The following ANO7 variants were observed in gnomAD, a reference collection of about 807,000 sequenced individuals.
ANO7 encodes the protein anoctamin 7.
Under a neutral mutation model 115.8 loss-of-function variants are expected in ANO7, and 114 were observed. The observed-to-expected ratio is 0.98, with a 90% CI of 0.85 to 1.15. The LOEUF (loss-of-function observed/expected upper bound fraction) is 1.15. ANO7 is among the 50% of genes most tolerant of loss of function. The pLI, the probability that ANO7 is intolerant of heterozygous loss-of-function variation, is 0.00. For missense variants in ANO7, 1,302 were observed against 1,201.2 expected, an observed-to-expected ratio of 1.08 and a Z score of -1.24; for synonymous variants, 550 against 498.2, an observed-to-expected ratio of 1.10 and a Z score of -1.38.
At chr2:241,207,531 C>G in intron 10 of ANO7, 43 bp from the exon 11 acceptor site, 1 of 1,561,444 alleles carries the variant, frequency 6.4e-7, no homozygotes, top group Non-Finnish European at 8.8e-7. Context: ...CAAGCAGCCC[C>G]CCTCCCCCAT....
Position 241,202,291 on chromosome 2 carries a change from T to C in ANO7, c.710T>C (p.Phe237Ser), listed in dbSNP as rs1244396246. The C allele has an allele frequency of 6.2e-7, 1 of 1,612,184 alleles. No homozygotes were observed. Among genetic ancestry groups the C allele is most frequent in the South Asian group, 1.1e-5 (1 of 91,064 alleles). Residue 237 changes from phenylalanine to serine, a missense_variant, in exon 8 of 25, where the codon TTC (phenylalanine) becomes TCC (serine). By Grantham distance (155) the Phe-to-Ser change is radical (BLOSUM62 -2). Coordinates refer to ENST00000674324, the MANE Select transcript of ANO7 (RefSeq NM_001370694.2). The stretch of plus-strand genomic sequence containing the variant: ...GCAGAGGGTGTCCTCAGTGCCGCCT[T>C]CCCCCTGCATGACGTGAGCTCGGGG... The part of the protein sequence containing the change: ...LLAEGVLSAA[F>S]PLHDGPFKTP...
Position 241,200,243 on chromosome 2 carries a change from C to CCAGT in ANO7, c.554+20_554+23dup. On this transcript the variant is annotated intron_variant, in intron 6 of 24. Coordinates refer to ENST00000674324, the MANE Select transcript of ANO7 (RefSeq NM_001370694.2). The stretch of plus-strand genomic sequence containing the variant: ...CTGCCACGGTAAGGCAGGGGCCCTG[C>CCAGT]CAGTCGGAGGAAAGAACAGGAGTGA... The CCAGT allele has an allele frequency of 6.2e-7, 1 of 1,608,882 alleles. No individual in the cohort carries two copies. The highest frequency in any genetic ancestry group is 8.5e-7 in the Non-Finnish European group (1 of 1,177,878).
At chr2:241,240,042 A>G in the ANO7 span, 1 of 1,614,060 alleles carries the variant, frequency 6.2e-7, no homozygotes, top group Non-Finnish European at 8.5e-7. The surrounding 1 kb of genome is among the most constrained non-coding windows in gnomAD (Gnocchi z 5.5). Context: ...GCACCTTGCG[A>G]ATTTTGCCGC....
the ANO7 span, among the ~76,000 whole-genome samples, chr2:241,231,656 G>A: frequency 3.0e-3 from 452 of 152,200 alleles, 12 homozygotes; most frequent in Admixed American, 0.021. Context: ...AGGCTGGCTG[G>A]CATTCCTCAG....
intron 22 of ANO7, 61 bp from the exon 23 acceptor site, chr2:241,223,601 T>G: frequency 6.3e-7 from 1 of 1,588,210 alleles, no homozygotes; most frequent in South Asian, 1.1e-5. Context: ...CCGGCCTGCC[T>G]GGCCCTGTGA....
intron 5 of ANO7, 87 bp downstream of exon 5, chr2:241,199,510 AG>A: frequency 7.3e-7 from 1 of 1,369,410 alleles, no homozygotes. Flanking sequence ...CAGCCTCAGG[AG>A]GGCTCCCTGC....
In ANO7 at chr2:241,192,294, C is replaced by T. The variant is rs573325681; in HGVS notation, c.166+1043C>T. On this transcript the variant is annotated intron_variant, in intron 3 of 24. Coordinates refer to ENST00000674324, the MANE Select transcript of ANO7 (RefSeq NM_001370694.2). Reference sequence around the variant, plus strand: ...GAACCGAGGTCGCGCCATTGCACTCCAGCCTGGGCAGCAAGAGCAAAACTC... The same window carrying T: ...GAACCGAGGTCGCGCCATTGCACTCTAGCCTGGGCAGCAAGAGCAAAACTC... Among the ~76,000 whole-genome samples the T allele has an allele frequency of 7.9e-5, 12 of 152,322 alleles. 2 individuals are homozygous for T. Among genetic ancestry groups the T allele is most frequent in the African/African-American group, 2.2e-4 (9 of 41,568 alleles).
the ANO7 span, chr2:241,235,615 GT>G: frequency 6.4e-7 from 1 of 1,566,554 alleles, no homozygotes; most frequent in South Asian, 1.1e-5. Context: ...GATGGTCATG[GT>G]TAGGCCGTGG....
chr2:241,239,447 G>A, the ANO7 span, among the ~76,000 whole-genome samples: 1 of 152,080 alleles, frequency 6.6e-6, no homozygotes, highest in Non-Finnish European at 1.5e-5. This position sits in a 1 kb window ranked among gnomAD's most constrained non-coding sequence, Gnocchi z 4.6. Flanking sequence ...GACAGGCTGA[G>A]GAAAGAAGAG....
At chr2:241,230,595 C>T (rs772520027), downstream of ANO7, among the ~76,000 whole-genome samples, 10 of 152,246 alleles carry the variant, frequency 6.6e-5, no homozygotes, top group Non-Finnish European at 1.3e-4. This position sits in a 1 kb window ranked among gnomAD's most constrained non-coding sequence, Gnocchi z 5.0. Flanking sequence ...CACAGGCCGT[C>T]GCCTGCACTG....
chr2:241,230,153 G>A (rs369738368), downstream of ANO7: 127 of 1,609,588 alleles, frequency 7.9e-5, no homozygotes, highest in Admixed American at 1.7e-4. The surrounding 1 kb of genome is among the most constrained non-coding windows in gnomAD (Gnocchi z 5.0). Context: ...AGAGACTCAC[G>A]TATTCCTCCT....
chr2:241,226,127 G>A (rs925825083), downstream of ANO7, among the ~76,000 whole-genome samples: 8 of 152,014 alleles, frequency 5.3e-5, no homozygotes, highest in East Asian at 1.2e-3. Flanking sequence ...GCCCTACCCT[G>A]TGACCCTCTC....
chr2:241,189,980 C>T (rs2068153503), intron 1 of ANO7, 77 bp from the exon 2 acceptor site: 1 of 1,130,362 alleles, frequency 8.8e-7, no homozygotes, highest in Non-Finnish European at 1.3e-6. Context: ...TCACTGCAGG[C>T]AGTGTGGTGG....
rs141174933 is a variant in ANO7 at position 241,188,786 on chromosome 2, G to A, written c.-8+20G>A. The A allele has an allele frequency of 4.7e-5, 76 of 1,607,500 alleles. 2 individuals carry two copies. In the East Asian group the frequency reaches 1.0e-3, roughly 22 times the overall value. ...TGCCAGGTGGGGACCCAGCCTAGACGTGTGGGCCACAGGGAGAAGGTGGAG... is the reference window on the plus strand; with the variant it reads ...TGCCAGGTGGGGACCCAGCCTAGACATGTGGGCCACAGGGAGAAGGTGGAG... On this transcript the variant is annotated intron_variant, in intron 1 of 24. Transcript: ENST00000674324. The surrounding 1 kb of genome is among the most constrained non-coding windows in gnomAD (Gnocchi z 4.3).
Position 241,204,860 on chromosome 2 carries a change from T to C in ANO7, c.890-5T>C, listed in dbSNP as rs1274310694. On this transcript the variant is annotated splice_polypyrimidine_tract_variant and splice_region_variant and intron_variant, in intron 9 of 24. Coordinates refer to ENST00000674324, the MANE Select transcript of ANO7 (RefSeq NM_001370694.2). ...GATGGTGGACCCCTGCCATCCTCTC[T>C]ACAGGGTTTTACACAGGCTGGCTCC... 2.5e-6 allele frequency: 4 copies of C among 1,612,916 alleles called. No individual in the cohort carries two copies. In the African/African-American group the frequency reaches 5.3e-5, roughly 22 times the overall value.
At chr2:241,212,038 C>G in intron 15 of ANO7, 56 bp from the exon 16 acceptor site, 3 of 1,468,068 alleles carry the variant, frequency 2.0e-6, no homozygotes, top group Non-Finnish European at 2.9e-6. Context: ...GAGGGGGCCC[C>G]TAGTTGGATG....
At chr2:241,232,947 C>T in the ANO7 span, among the ~76,000 whole-genome samples, 4 of 151,836 alleles carry the variant, frequency 2.6e-5, no homozygotes, top group South Asian at 4.2e-4. Context: ...GTGTGTGTGA[C>T]TCAAAGATCC....
chr2:241,219,655 C>A (rs1263981646), intron 21 of ANO7, among the ~76,000 whole-genome samples: 1 of 150,922 alleles, frequency 6.6e-6, no homozygotes, highest in Non-Finnish European at 1.5e-5. Context: ...GCACCCTAGA[C>A]TTCCTGGGCT....
At chr2:241,229,163 G>A (rs895039980), downstream of ANO7, 2 of 203,908 alleles carry the variant, frequency 9.8e-6, no homozygotes, top group African/African-American at 4.7e-5. Flanking sequence ...GGACTGTCTG[G>A]ACCAAGGGAA....
Sources: allele counts gnomAD v4.1 joint callset (sites outside exome capture counted in the v4.1 genomes callset), GRCh38; gene constraint gnomAD v4.1.1; non-coding constraint Gnocchi (gnomAD v3.1); transcripts MANE v1.5; gene names NCBI Gene and HGNC (gene_info 2026-07-23, HGNC 2026-07-21).